The following USP9X variants were observed in gnomAD, a reference collection of about 807,000 sequenced individuals.
The protein encoded by USP9X is ubiquitin specific peptidase 9 X-linked.
USP9X carries 7 observed loss-of-function variants against 190.3 expected under a neutral mutation model. The observed-to-expected ratio is 0.04, with a 90% CI of 0.02 to 0.07. USP9X has a LOEUF of 0.07. Ranked by LOEUF, USP9X falls within the 10% of genes least tolerant of loss-of-function variation. USP9X has a pLI of 1.00. For synonymous variants in USP9X, 645 were observed against 659.5 expected (o/e 0.98, Z 0.34); for missense variants, 1,010 against 1,916.9 (o/e 0.53, Z 8.83).
intron 32 of USP9X, among the ~76,000 whole-genome samples, chrX:41,210,023 C>A (rs1213081857): frequency 8.9e-6 from 1 of 111,951 alleles, no homozygotes; most frequent in African/African-American, 3.2e-5. Context: ...ACCTTTCTCT[C>A]TTCACTTGGG....
chrX:41,182,818 A>C (rs2062839308), intron 21 of USP9X, among the ~76,000 whole-genome samples: 1 of 111,651 alleles, frequency 9.0e-6, no homozygotes, highest in African/African-American at 3.2e-5. Flanking sequence ...GTTACATTAT[A>C]TGTCGCTATG....
At chrX:41,148,953 A>G (rs1458640278) in intron 12 of USP9X, among the ~76,000 whole-genome samples, 1 of 112,296 alleles carries the variant, frequency 8.9e-6, no homozygotes, top group Admixed American at 9.4e-5. Context: ...GAATTTCCTA[A>G]CCATTAAAAC....
chrX:41,126,976 C>A (rs2062260225), intron 2 of USP9X, among the ~76,000 whole-genome samples: 2 of 111,002 alleles, frequency 1.8e-5, no homozygotes, highest in East Asian at 5.6e-4. Flanking sequence ...AATGAAACAG[C>A]CTTGGCAGAG....
intron 21 of USP9X, 84 bp downstream of exon 21, chrX:41,172,042 T>C: frequency 9.0e-7 from 1 of 1,107,405 alleles, no homozygotes; most frequent in Non-Finnish European, 1.2e-6. Context: ...TGGACCGTGC[T>C]TTTTGGTATA....
chrX:41,207,474 A>G (rs189444385), intron 32 of USP9X, among the ~76,000 whole-genome samples: 4 of 111,933 alleles, frequency 3.6e-5, no homozygotes, highest in Non-Finnish European at 7.5e-5. Context: ...AGATCTATAA[A>G]GGGAAAATTG....
intron 14 of USP9X, among the ~76,000 whole-genome samples, chrX:41,154,529 C>T (rs749767091): frequency 9.0e-6 from 1 of 111,695 alleles, no homozygotes; most frequent in African/African-American, 3.3e-5. Context: ...AGGAACCCGG[C>T]TGTCTCACTA....
At chrX:41,131,029 C>G (rs1225732691) in intron 3 of USP9X, among the ~76,000 whole-genome samples, 2 of 109,576 alleles carry the variant, frequency 1.8e-5, no homozygotes, top group African/African-American at 6.6e-5. Context: ...CCCGGGCAAC[C>G]CTGTCTCTTA....
At chrX:41,213,029 A>G (rs945807896) in intron 33 of USP9X, among the ~76,000 whole-genome samples, 7 of 112,040 alleles carry the variant, frequency 6.2e-5, no homozygotes, top group Non-Finnish European at 1.1e-4. Flanking sequence ...GTTTTAGACA[A>G]TTTTCTAAAT....
chrX:41,191,926 G>GCT (rs1198556228), intron 26 of USP9X, among the ~76,000 whole-genome samples: 3 of 111,244 alleles, frequency 2.7e-5, no homozygotes, highest in East Asian at 2.8e-4. Flanking sequence ...TTGCCAGTGC[G>GCT]CTCTCTCTCT....
chrX:41,154,827 C>T (rs941650183), intron 14 of USP9X, among the ~76,000 whole-genome samples: 2 of 110,883 alleles, frequency 1.8e-5, no homozygotes, highest in Non-Finnish European at 3.8e-5. Context: ...ACCTTGGTAC[C>T]TTTTCTTCTT....
At chrX:41,114,472 T>C (rs1208056216) in intron 1 of USP9X, among the ~76,000 whole-genome samples, 1 of 108,951 alleles carries the variant, frequency 9.2e-6, no homozygotes, top group Non-Finnish European at 1.9e-5. Context: ...CTTCTTTCCT[T>C]TTTTTTCCCT....
chrX:41,184,305 A>G lies in USP9X; in HGVS notation c.3280-92A>G. On this transcript the variant is annotated intron_variant, in intron 22 of 44. Transcript: ENST00000378308. ...AATAAATAATAGTGAGATGGTCAAG[A>G]GTTTCTTGGCACTGACAATAGTACA... 6 of 1,043,531 alleles carry G rather than the reference A, an allele frequency of 5.7e-6. No individual in the cohort carries two copies. In the East Asian group the frequency reaches 1.9e-4, roughly 33 times the overall value. 86.0% of individuals were successfully genotyped at this position (1,043,531 alleles called of 1,213,427 possible).
At chrX:41,102,393 G>A (rs745349306) in intron 1 of USP9X, among the ~76,000 whole-genome samples, 8 of 110,934 alleles carry the variant, frequency 7.2e-5, no homozygotes, top group East Asian at 5.6e-4. Context: ...GGAGGTGGGC[G>A]GATCACTTGA....
intron 30 of USP9X, 22 bp downstream of exon 30, chrX:41,198,772 T>G: frequency 8.9e-7 from 1 of 1,118,117 alleles, no homozygotes; most frequent in Non-Finnish European, 1.2e-6. Flanking sequence ...TAATAGAATG[T>G]GATAATTGAT....
chrX:41,114,711 T>C (rs1191953426), intron 1 of USP9X, among the ~76,000 whole-genome samples: 2 of 108,364 alleles, frequency 1.8e-5, no homozygotes, highest in Non-Finnish European at 3.8e-5. Flanking sequence ...CTCAAACTCC[T>C]GACTTCAAGT....
At chrX:41,195,025 C>G (rs1456357718) in intron 26 of USP9X, among the ~76,000 whole-genome samples, 1 of 105,565 alleles carries the variant, frequency 9.5e-6, no homozygotes, top group Non-Finnish European at 1.9e-5. Flanking sequence ...TATTGTGATT[C>G]TCAATCTTTC....
At position 41,205,304 on chromosome X, in the gene USP9X, G is replaced by A. The variant is rs771083928; in HGVS notation, c.4826G>A (p.Ser1609Asn). Residue 1609 changes from serine (S) to asparagine (N), a missense_variant and splice_region_variant, in exon 32 of 45, where the codon AGC becomes AAC. By Grantham distance (46) the Ser-to-Asn change is conservative (BLOSUM62 1). Around this residue, in one of 11 missense-constraint regions of USP9X, gnomAD observed 120 missense variants for 342.7 expected, o/e 0.35. Coordinates refer to ENST00000378308, the MANE Select transcript of USP9X (RefSeq NM_001039591.3). ...MSGDEKQDNE[S>N]NVDPRDDVFG... ...TTGGTGACATTTTTTGGTTTCTAGA[G>A]CAATGTTGATCCCAGGGATGATGTA... is the stretch of plus-strand genomic sequence containing the variant. The A allele has an allele frequency of 1.7e-6, 2 of 1,169,603 alleles. No individual in the cohort carries two copies. The highest frequency in any genetic ancestry group is 2.3e-6 in the Non-Finnish European group (2 of 875,866).
In USP9X at chrX:41,229,558, C is replaced by G. The variant is rs769494180; in HGVS notation, c.7219-9C>G. The stretch of plus-strand genomic sequence containing the variant: ...CCTCTTATCTATATGGTTTTATTTT[C>G]TTTTGCAGGGCAATGGAGATCTTAA... On this transcript the variant is annotated splice_polypyrimidine_tract_variant and intron_variant, in intron 42 of 44. Transcript: ENST00000378308. The G allele has an allele frequency of 1.7e-6, 2 of 1,207,010 alleles. No individual in the cohort carries two copies. The highest frequency in any genetic ancestry group is 1.8e-5 in the South Asian group (1 of 56,002).
chrX:41,100,644 AT>A (rs971062884), intron 1 of USP9X, among the ~76,000 whole-genome samples: 15 of 111,046 alleles, frequency 1.4e-4, no homozygotes, highest in Non-Finnish European at 1.1e-4. Flanking sequence ...TTTTTTATTT[AT>A]TTAAAAAAAA....
Sources: gnomAD v4.1 joint callset for allele counts (sites outside exome capture counted in the v4.1 genomes callset) on GRCh38, gnomAD v4.1.1 for gene constraint, gnomAD v4.1.1 regional missense constraint, MANE v1.5 for transcripts, NCBI Gene and HGNC (gene_info 2026-07-23, HGNC 2026-07-21) for gene names.